The following SLC44A5 variants were observed in gnomAD, a reference collection of about 807,000 sequenced individuals.
SLC44A5 encodes the protein choline transporter-like protein 5.
Under a neutral mutation model 101.8 loss-of-function variants are expected in SLC44A5, and 57 were observed. The ratio of observed to expected loss-of-function variants is 0.56; its 90% CI spans 0.45 to 0.70. The LOEUF (loss-of-function observed/expected upper bound fraction) is 0.70. Among genes scored for constraint, SLC44A5 ranks in the 30% least tolerant of loss-of-function variants. The pLI is 0.00. For synonymous variants in SLC44A5, 281 were observed against 290.9 expected (o/e 0.97, Z 0.35); for missense variants, 737 against 853.1 (o/e 0.86, Z 1.70).
the SLC44A5 span, among the ~76,000 whole-genome samples, chr1:75,682,455 T>C: frequency 2.0e-5 from 3 of 151,582 alleles, no homozygotes; most frequent in Non-Finnish European, 4.4e-5. Flanking sequence ...ATGCCACATA[T>C]CTACAACTAT....
chr1:75,484,513 A>G (rs1570422197), intron 2 of SLC44A5, among the ~76,000 whole-genome samples: 2 of 152,332 alleles, frequency 1.3e-5, no homozygotes, highest in East Asian at 3.9e-4. Context: ...TGCAGTGTAC[A>G]GTCCCTGTGG....
chr1:75,637,848 C>A, the SLC44A5 span, among the ~76,000 whole-genome samples: 24 of 151,990 alleles, frequency 1.6e-4, no homozygotes, highest in Non-Finnish European at 3.4e-4. Flanking sequence ...CACAGACATG[C>A]CTTTAAAAGG....
At chr1:75,642,637 C>T in the SLC44A5 span, among the ~76,000 whole-genome samples, 1 of 151,928 alleles carries the variant, frequency 6.6e-6, no homozygotes, top group Non-Finnish European at 1.5e-5. Flanking sequence ...GTGTGCTGAC[C>T]ATTTATAAAA....
chr1:75,325,128 C>T (rs1656479789), intron 4 of SLC44A5, among the ~76,000 whole-genome samples: 3 of 152,128 alleles, frequency 2.0e-5, no homozygotes, highest in South Asian at 4.1e-4. Flanking sequence ...ATAAAGCACT[C>T]GAAGAGCACA....
chr1:75,330,144 C>CATATAGGTATATGCATAT lies in SLC44A5; in HGVS notation c.101+9437_101+9438insATATGCATATACCTATAT, dbSNP rs1557669608. Among the ~76,000 whole-genome samples the CATATAGGTATATGCATAT allele has an allele frequency of 5.0e-5, 5 of 100,674 alleles. No individual in the cohort carries two copies. The East Asian group carries it at 4.4e-3, about 88-fold the overall frequency. The allele number at this position is 100,674 out of a possible 152,430, so 66.0% of individuals were successfully genotyped here. The stretch of plus-strand genomic sequence containing the variant: ...ACACACACACACACACACACACATG[C>CATATAGGTATATGCATAT]ATATACGTATATGCATATATATACG... On this transcript the variant is annotated intron_variant, in intron 4 of 23. Coordinates refer to ENST00000370859, the MANE Select transcript of SLC44A5 (RefSeq NM_001130058.2).
At chr1:75,683,179 A>C in the SLC44A5 span, among the ~76,000 whole-genome samples, 1 of 151,292 alleles carries the variant, frequency 6.6e-6, no homozygotes, top group Non-Finnish European at 1.5e-5. Context: ...TAGTTCAACC[A>C]TTGTGGAAGT....
chr1:75,544,028 T>C (rs1191475200), intron 1 of SLC44A5, among the ~76,000 whole-genome samples: 9 of 152,218 alleles, frequency 5.9e-5, no homozygotes, highest in Non-Finnish European at 1.5e-5. Flanking sequence ...GAAAATGCTA[T>C]GGTTTGAAAG....
intron 4 of SLC44A5, among the ~76,000 whole-genome samples, chr1:75,308,154 T>C (rs575241408): frequency 6.6e-6 from 1 of 152,280 alleles, no homozygotes; most frequent in South Asian, 2.1e-4. Context: ...CAATACCCTA[T>C]GAAAAAACAG....
intron 6 of SLC44A5, among the ~76,000 whole-genome samples, chr1:75,271,497 T>TTTTGTGTGTGTGTGTGTGTG (rs1553152601): frequency 3.4e-5 from 5 of 146,400 alleles, no homozygotes; most frequent in South Asian, 2.2e-4. Context: ...TCTGCATGTT[T>TTTTGTGTGTGTGTGTGTGTG]TGTGTGTGTG....
At chr1:75,292,904 C>T (rs988392389) in intron 5 of SLC44A5, among the ~76,000 whole-genome samples, 2 of 152,198 alleles carry the variant, frequency 1.3e-5, no homozygotes, top group African/African-American at 2.4e-5. Context: ...TTCAAGAGCA[C>T]AGGCTCTAGA....
Position 75,452,123 on chromosome 1 carries a change from A to C in SLC44A5, c.14-55502T>G, listed in dbSNP as rs373657105. Among the ~76,000 whole-genome samples, 6 of 152,300 alleles carry C rather than the reference A, an allele frequency of 3.9e-5. No homozygotes were observed. In the South Asian group the frequency reaches 1.2e-3, roughly 32 times the overall value. ...CCAGACTGTCAAAGGTCAATGCTAA[A>C]GAAAAAATCTTAAAGGCAGCTAGAG... On this transcript the variant is annotated intron_variant, in intron 2 of 23. Coordinates refer to ENST00000370859, the MANE Select transcript of SLC44A5 (RefSeq NM_001130058.2).
chr1:75,275,077 C>G (rs898359853), intron 5 of SLC44A5, 35 bp from the exon 6 acceptor site: 3 of 1,556,340 alleles, frequency 1.9e-6, no homozygotes, highest in Non-Finnish European at 2.6e-6. Flanking sequence ...ATGCTATCAG[C>G]AAAAGCCAGC....
the SLC44A5 span, among the ~76,000 whole-genome samples, chr1:75,642,285 ATTG>A: frequency 1.3e-5 from 2 of 152,050 alleles, no homozygotes; most frequent in South Asian, 4.1e-4. Flanking sequence ...CCATTGCTTC[ATTG>A]TTGATATCAA....
intron 3 of SLC44A5, among the ~76,000 whole-genome samples, chr1:75,388,613 T>C (rs1454427983): frequency 6.6e-6 from 1 of 152,030 alleles, no homozygotes; most frequent in East Asian, 1.9e-4. Context: ...ACCCTGTCTC[T>C]ACTAATAATA....
At chr1:75,271,764 C>T (rs115671403) in intron 6 of SLC44A5, among the ~76,000 whole-genome samples, 1,820 of 152,130 alleles carry the variant, frequency 0.012, 51 homozygotes, top group African/African-American at 0.041. Context: ...GTGAACTGTG[C>T]TGCTGTAAAC....
At chr1:75,604,378 G>A (rs1009398898) in intron 1 of SLC44A5, among the ~76,000 whole-genome samples, 2 of 152,056 alleles carry the variant, frequency 1.3e-5, no homozygotes, top group Non-Finnish European at 2.9e-5. Flanking sequence ...CTATGTGTCT[G>A]TTTTTGTACC....
intron 6 of SLC44A5, among the ~76,000 whole-genome samples, chr1:75,259,379 GC>G (rs1271545324): frequency 9.9e-5 from 15 of 152,074 alleles, no homozygotes; most frequent in African/African-American, 3.6e-4. Flanking sequence ...ATTTCGCAAA[GC>G]ATACACAAGT....
At chr1:75,413,240 T>G (rs189890159) in intron 2 of SLC44A5, among the ~76,000 whole-genome samples, 27 of 152,284 alleles carry the variant, frequency 1.8e-4, no homozygotes, top group Admixed American at 1.7e-3. Flanking sequence ...TTGCTATGAT[T>G]TCAGGCATCC....
intron 1 of SLC44A5, among the ~76,000 whole-genome samples, chr1:75,584,935 A>G (rs1204563341): frequency 1.3e-5 from 2 of 152,332 alleles, no homozygotes; most frequent in East Asian, 3.9e-4. Context: ...ATGATCAGGA[A>G]GATAATTAAT....
Sources: gnomAD v4.1 joint callset for allele counts (sites outside exome capture counted in the v4.1 genomes callset) on GRCh38, gnomAD v4.1.1 for gene constraint, MANE v1.5 for transcripts, NCBI Gene and HGNC (gene_info 2026-07-23, HGNC 2026-07-21) for gene names.